Variants in LMLN observed in about 807,000 individuals in gnomAD.
LMLN encodes leishmanolysin-like peptidase.
A neutral mutation model predicts 92.3 loss-of-function variants in LMLN; 70 were observed. The observed-to-expected ratio is 0.76, with a 90% confidence interval of 0.63 to 0.92. The LOEUF (loss-of-function observed/expected upper bound fraction) is 0.92. Among genes scored for constraint, LMLN ranks in the 40% least tolerant of loss-of-function variants. The pLI is 0.00. For missense variants in LMLN, 691 were observed against 814.6 expected (o/e 0.85, Z 1.85); for synonymous variants, 308 against 296.2 (o/e 1.04, Z -0.41).
intron 8 of LMLN, 113 bp downstream of exon 8, chr3:197,986,003 T>C: frequency 1.5e-6 from 1 of 660,830 alleles, no homozygotes. Flanking sequence ...ATGGCAAACC[T>C]AAGGAAATTG....
intron 1 of LMLN, among the ~76,000 whole-genome samples, chr3:197,969,818 T>C (rs572368621): frequency 9.9e-5 from 15 of 152,224 alleles, no homozygotes; most frequent in African/African-American, 3.6e-4. Flanking sequence ...ATATTGTAAA[T>C]ATATTAATAT....
At chr3:197,966,782 T>C (rs969510287) in intron 1 of LMLN, among the ~76,000 whole-genome samples, 3 of 152,170 alleles carry the variant, frequency 2.0e-5, no homozygotes, top group African/African-American at 7.2e-5. Context: ...TGTTGATGAT[T>C]TTACATCTAT....
At chr3:198,023,620 A>G (rs1489401078) in intron 13 of LMLN, among the ~76,000 whole-genome samples, 1 of 152,202 alleles carries the variant, frequency 6.6e-6, no homozygotes, top group Non-Finnish European at 1.5e-5. Context: ...AACTGGCATA[A>G]AACACTTATC....
intron 2 of LMLN, 112 bp downstream of exon 2, chr3:197,974,586 G>A: frequency 1.7e-6 from 1 of 578,914 alleles, no homozygotes; most frequent in Non-Finnish European, 3.0e-6. Context: ...AAGGACTAGT[G>A]TAGCTTCAAA....
chr3:198,025,683 A>G lies in LMLN; in HGVS notation c.1656+895A>G, dbSNP rs935113005. Among the ~76,000 whole-genome samples, 1 of 152,166 alleles carries G rather than the reference A, an allele frequency of 6.6e-6. No individual in the cohort carries two copies. The highest frequency in any genetic ancestry group is 2.4e-5 in the African/African-American group (1 of 41,446). On this transcript the variant is annotated intron_variant, in intron 14 of 15. Transcript: ENST00000330198. This position sits in a 1 kb window ranked among gnomAD's most constrained non-coding sequence, Gnocchi z 4.3. ...CCATGCCTCGCCTACTATTTCCTTA[A>G]TTATCTTATTTGCACATCTGATATT...
intron 5 of LMLN, among the ~76,000 whole-genome samples, chr3:197,979,621 G>C (rs1425389463): frequency 6.6e-6 from 1 of 152,102 alleles, no homozygotes. Context: ...TTCGAGACCA[G>C]CCTGGCCTAT....
chr3:198,036,037 C>G (rs1408053059), exon 15 of LMLN: 1 of 1,612,756 alleles, frequency 6.2e-7, no homozygotes, highest in East Asian at 2.2e-5. Flanking sequence ...CCGAGCTCTG[C>G]CACTTGGTGA....
chr3:198,024,494 C>A (rs936835273), intron 13 of LMLN, among the ~76,000 whole-genome samples, 164 bp from the exon 15 acceptor site: 3 of 152,168 alleles, frequency 2.0e-5, no homozygotes, highest in African/African-American at 7.2e-5. Flanking sequence ...GGATTACAGG[C>A]GTGAGCCACC....
chr3:198,008,562 C>T (rs1233509983), intron 11 of LMLN, among the ~76,000 whole-genome samples: 2 of 152,152 alleles, frequency 1.3e-5, no homozygotes, highest in African/African-American at 4.8e-5. Context: ...CCCATCTCTA[C>T]AACAAAATAC....
intron 11 of LMLN, among the ~76,000 whole-genome samples, chr3:198,018,008 A>G (rs1430425850): frequency 6.6e-6 from 1 of 152,234 alleles, no homozygotes; most frequent in East Asian, 1.9e-4. Flanking sequence ...GCACAGATGT[A>G]CACCTTTTCC....
chr3:198,014,846 C>G (rs867949869), intron 11 of LMLN, among the ~76,000 whole-genome samples: 1 of 129,042 alleles, frequency 7.7e-6, no homozygotes, highest in African/African-American at 3.1e-5. Context: ...CTTCAGAGCC[C>G]CCTAACTAGT....
At chr3:197,992,315 G>A (rs1362316629) in intron 9 of LMLN, among the ~76,000 whole-genome samples, 1 of 152,066 alleles carries the variant, frequency 6.6e-6, no homozygotes, top group South Asian at 2.1e-4. Context: ...TGATCCGTGC[G>A]CCTTGGCCTC....
In LMLN at chr3:198,019,252, G is replaced by T; in HGVS notation, c.1233-1G>T. 6.2e-7 allele frequency: 1 copy of T among 1,610,412 alleles called. No homozygotes were observed. The highest frequency in any genetic ancestry group is 8.5e-7 in the Non-Finnish European group (1 of 1,179,074). ...ACCATGGTACTTCTCTTTGTTTGCA[G>T]GAGACAGATGCTGAGCCCTTACTGT... On this transcript the variant is annotated splice_acceptor_variant, in intron 11 of 15. Transcript: ENST00000330198. LOFTEE classifies it high-confidence loss of function. The surrounding 1 kb of genome is among the most constrained non-coding windows in gnomAD (Gnocchi z 5.5).
At chr3:198,016,896 C>T (rs1198609859) in intron 11 of LMLN, among the ~76,000 whole-genome samples, 2 of 152,044 alleles carry the variant, frequency 1.3e-5, no homozygotes, top group Non-Finnish European at 1.5e-5. Context: ...CAACTACTTA[C>T]CTCTACTTTT....
At chr3:198,012,833 C>T (rs867190149) in intron 11 of LMLN, among the ~76,000 whole-genome samples, 222 of 127,908 alleles carry the variant, frequency 1.7e-3, no homozygotes, top group Middle Eastern at 5.1e-3. Flanking sequence ...GACTTCTCTC[C>T]ACCCTTCAGA....
chr3:197,990,708 C>T (rs1224567308), intron 9 of LMLN, 32 bp downstream of exon 9: 1 of 1,056,606 alleles, frequency 9.5e-7, no homozygotes, highest in Admixed American at 1.7e-5. Context: ...GTCTCATGAG[C>T]CATCTGTTCT....
chr3:197,991,864 T>G (rs1222968119), intron 9 of LMLN, among the ~76,000 whole-genome samples: 2 of 48,002 alleles, frequency 4.2e-5, no homozygotes, highest in East Asian at 5.2e-4. Context: ...ACTGAGCAAC[T>G]TTTTTTTTTT....
intron 9 of LMLN, among the ~76,000 whole-genome samples, chr3:197,991,274 T>C (rs1223563526): frequency 2.6e-5 from 4 of 151,946 alleles, no homozygotes; most frequent in Admixed American, 6.6e-5. Flanking sequence ...CAGCTAATTT[T>C]GTTTATTTTT....
intron 11 of LMLN, 128 bp downstream of exon 11, chr3:197,999,470 T>C (rs1722113483): frequency 6.2e-6 from 4 of 647,496 alleles, no homozygotes; most frequent in Non-Finnish European, 1.1e-5. Context: ...TTGAATCTTG[T>C]ACAGTTAGCT....
Sources: gnomAD v4.1 joint callset for allele counts (sites outside exome capture counted in the v4.1 genomes callset) on GRCh38, gnomAD v4.1.1 for gene constraint, Gnocchi (gnomAD v3.1) non-coding constraint, MANE v1.5 for transcripts, NCBI Gene and HGNC (gene_info 2026-07-23, HGNC 2026-07-21) for gene names.